FAM135B: variants seen among roughly 807,000 people sequenced by gnomAD.
FAM135B encodes family with sequence similarity 135 member B.
A neutral mutation model predicts 127.7 loss-of-function variants in FAM135B; 43 were observed. The observed-to-expected ratio is 0.34, with a 90% CI of 0.26 to 0.43. The LOEUF (loss-of-function observed/expected upper bound fraction) is 0.43, where lower values mean the gene tolerates loss of function less well. FAM135B is among the 20% of genes least tolerant of loss of function. The probability of loss-of-function intolerance (pLI) is 1.00; values close to 1 mark genes in which losing one functional copy is unlikely to be tolerated. For missense variants in FAM135B, 1,558 were observed against 1,725.6 expected (o/e 0.90, Z 1.72); for synonymous variants, 670 against 665.1 (o/e 1.01, Z -0.11).
At chr8:138,440,555 C>T (rs966089171) in intron 1 of FAM135B, 5 of 152,036 alleles carry the variant, frequency 3.3e-5, no homozygotes, top group African/African-American at 9.7e-5. Context: ...TCACCATCAC[C>T]GTCATCACCA....
At chr8:138,278,437 G>C (rs1472973377) in intron 3 of FAM135B, among the ~76,000 whole-genome samples, 1 of 151,696 alleles carries the variant, frequency 6.6e-6, no homozygotes. Flanking sequence ...ATATGTGTTT[G>C]CTCAATTAAA....
intron 7 of FAM135B, among the ~76,000 whole-genome samples, chr8:138,229,188 A>G (rs1031321864): frequency 6.6e-6 from 1 of 152,040 alleles, no homozygotes; most frequent in Non-Finnish European, 1.5e-5. Context: ...ACACCATTGC[A>G]TCTTCCCTCC....
intron 2 of FAM135B, among the ~76,000 whole-genome samples, chr8:138,348,789 G>C (rs1829588460): frequency 1.3e-5 from 2 of 152,236 alleles, no homozygotes; most frequent in Admixed American, 6.5e-5. Context: ...TCACAAAATT[G>C]TGCTTGCACA....
chr8:138,289,459 C>G (rs770368139), intron 3 of FAM135B, among the ~76,000 whole-genome samples: 13 of 152,222 alleles, frequency 8.5e-5, no homozygotes, highest in Non-Finnish European at 4.4e-5. Context: ...CCACTTCTGT[C>G]TGCTTTAGCC....
intron 3 of FAM135B, among the ~76,000 whole-genome samples, chr8:138,301,318 G>A (rs1317830636): frequency 6.6e-6 from 1 of 152,170 alleles, no homozygotes; most frequent in Non-Finnish European, 1.5e-5. Context: ...GACCAAAACA[G>A]AAAGCGGTCG....
chr8:138,194,842 AT>A (rs1816479120), intron 9 of FAM135B, among the ~76,000 whole-genome samples: 1 of 152,192 alleles, frequency 6.6e-6, no homozygotes, highest in African/African-American at 2.4e-5. Context: ...TTGTTGGCAA[AT>A]GCATGTGACT....
At chr8:138,474,361 T>C (rs1814272899) in intron 1 of FAM135B, among the ~76,000 whole-genome samples, 1 of 152,040 alleles carries the variant, frequency 6.6e-6, no homozygotes, top group African/African-American at 2.4e-5. Context: ...AAAATGAGAG[T>C]AACAGCATGA....
At chr8:138,201,086 A>C (rs1445915136) in intron 7 of FAM135B, among the ~76,000 whole-genome samples, 2 of 152,224 alleles carry the variant, frequency 1.3e-5, no homozygotes, top group Admixed American at 1.3e-4. Flanking sequence ...TGTCTCTGAC[A>C]GCTGTGACTA....
intron 2 of FAM135B, among the ~76,000 whole-genome samples, chr8:138,347,972 T>A (rs1392405381): frequency 6.6e-6 from 1 of 151,996 alleles, no homozygotes; most frequent in African/African-American, 2.4e-5. Context: ...TCACAGTAAA[T>A]GTTCAGTGAC....
chr8:138,440,393 G>A (rs1835692476), intron 1 of FAM135B: 3 of 151,708 alleles, frequency 2.0e-5, no homozygotes, highest in Admixed American at 2.0e-4. Flanking sequence ...GTGCAAGATA[G>A]TGACAAATAT....
At position 138,130,540 on chromosome 8, in the gene FAM135B, G is replaced by A. The variant is rs530014104; in HGVS notation, c.*2053C>T. 30 of 152,260 alleles carry A rather than the reference G, an allele frequency of 2.0e-4. No homozygotes were observed. The highest frequency in any genetic ancestry group is 6.5e-4 in the African/African-American group (27 of 41,550). 9.4% of individuals were successfully genotyped at this position (152,260 alleles called of 1,614,324 possible). Reference sequence around the variant, plus strand: ...AGATTCATCCCGGCTCCATAACCGCGGGCTACACAGTCTTTCAAAGGACCA... The same window carrying A: ...AGATTCATCCCGGCTCCATAACCGCAGGCTACACAGTCTTTCAAAGGACCA... On this transcript the variant is annotated 3_prime_UTR_variant, in exon 20 of 20. Transcript: ENST00000395297.
intron 1 of FAM135B, among the ~76,000 whole-genome samples, chr8:138,432,817 A>C (rs1006921184): frequency 2.0e-5 from 3 of 152,152 alleles, no homozygotes; most frequent in Non-Finnish European, 4.4e-5. Context: ...TATACATCAA[A>C]TTAGACACAG....
intron 2 of FAM135B, among the ~76,000 whole-genome samples, chr8:138,332,434 A>G (rs963069797): frequency 2.6e-5 from 4 of 152,168 alleles, no homozygotes; most frequent in African/African-American, 9.7e-5. Flanking sequence ...TCCCAGTCAT[A>G]CAATTAAGAT....
chr8:138,197,366 TG>T, intron 8 of FAM135B, 149 bp downstream of exon 8: 1 of 875,334 alleles, frequency 1.1e-6, no homozygotes. Context: ...GATCCTCTCC[TG>T]GTAGAATAAT....
intron 19 of FAM135B, among the ~76,000 whole-genome samples, chr8:138,136,917 T>C (rs1442510694): frequency 6.6e-6 from 1 of 152,174 alleles, no homozygotes; most frequent in East Asian, 1.9e-4. Flanking sequence ...TGGCACACAA[T>C]AGGACTGAAC....
intron 12 of FAM135B, among the ~76,000 whole-genome samples, chr8:138,159,438 A>G (rs12675988): frequency 0.69 from 103,783 of 149,642 alleles, 36,091 homozygotes; most frequent in East Asian, 0.79. Context: ...AAAAGGATGA[A>G]TTCATGTCCT....
chr8:138,144,822 T>C (rs1485001201), intron 15 of FAM135B, among the ~76,000 whole-genome samples: 3 of 152,144 alleles, frequency 2.0e-5, no homozygotes, highest in Admixed American at 1.3e-4. Flanking sequence ...ATCAGAGAGT[T>C]GCTGGATGTG....
intron 1 of FAM135B, among the ~76,000 whole-genome samples, chr8:138,444,166 C>A (rs1420701022): frequency 1.3e-5 from 2 of 151,984 alleles, no homozygotes; most frequent in Admixed American, 6.6e-5. Flanking sequence ...CCTTAGAGAC[C>A]TACAAAGAGA....
intron 18 of FAM135B, among the ~76,000 whole-genome samples, chr8:138,138,086 C>T (rs1816814607): frequency 6.6e-6 from 1 of 152,162 alleles, no homozygotes. Flanking sequence ...AGCCCCTCCC[C>T]TTCCTTCAGG....
Sources: allele counts gnomAD v4.1 joint callset (sites outside exome capture counted in the v4.1 genomes callset), GRCh38; gene constraint gnomAD v4.1.1; transcripts MANE v1.5; gene names NCBI Gene and HGNC (gene_info 2026-07-23, HGNC 2026-07-21).